FGF14: variants seen among roughly 807,000 people sequenced by gnomAD.
The protein encoded by FGF14 is fibroblast growth factor 14, also known as fibroblast growth factor homologous factor 4.
In FGF14, 5 loss-of-function variants were observed where a neutral mutation model predicts 25.5. The ratio of observed to expected loss-of-function variants is 0.20; its 90% CI spans 0.10 to 0.41. The LOEUF (loss-of-function observed/expected upper bound fraction) is 0.41. Ranked by LOEUF, FGF14 falls within the 10% of genes least tolerant of loss-of-function variation. The pLI is 1.00. For synonymous variants in FGF14, 138 were observed against 118.3 expected (o/e 1.17, Z -1.08); for missense variants, 222 against 320.1 (o/e 0.69, Z 2.34).
chr13:101,850,226 G>T (rs1330753567), intron 3 of FGF14, among the ~76,000 whole-genome samples: 1 of 136,976 alleles, frequency 7.3e-6, no homozygotes, highest in Non-Finnish European at 1.5e-5. Flanking sequence ...TTGAGGTCAG[G>T]AGTTCGAGAC....
At chr13:101,796,059 A>C (rs571673665) in intron 3 of FGF14, among the ~76,000 whole-genome samples, 2 of 152,254 alleles carry the variant, frequency 1.3e-5, no homozygotes, top group South Asian at 4.1e-4. Flanking sequence ...ATATGGCAGT[A>C]ATGGCCAAAA....
At position 101,729,482 on chromosome 13, in the gene FGF14, G is replaced by T. The variant is rs117512042; in HGVS notation, c.409-2672C>A. Among the ~76,000 whole-genome samples, 52 of 152,236 alleles carry T rather than the reference G, an allele frequency of 3.4e-4. 1 individual carries two copies. Among genetic ancestry groups the T allele is most frequent in the Non-Finnish European group, 6.5e-4 (44 of 68,010 alleles). On this transcript the variant is annotated intron_variant, in intron 3 of 4. Coordinates refer to ENST00000376143, the MANE Select transcript of FGF14 (RefSeq NM_004115.4). ...GAGCAGATAAACATCACCTGTGGAG[G>T]CAGACAGTAGGATTCAACCCTGACC...
Position 101,744,805 on chromosome 13 carries a change from G to A in FGF14, c.409-17995C>T, listed in dbSNP as rs143972753. On this transcript the variant is annotated intron_variant, in intron 3 of 4. Transcript: ENST00000376143. ...TTTCATTTTACTTATTAACACATGC[G>A]TGTATGTTCATTCGGTTAGCATTTA... 3.2e-3 allele frequency among the ~76,000 whole-genome samples: 486 copies of A among 152,098 alleles called. 4 individuals are homozygous for A. The highest frequency in any genetic ancestry group is 0.011 in the African/African-American group (451 of 41,510).
chr13:101,775,623 C>T (rs868124403), intron 3 of FGF14, among the ~76,000 whole-genome samples: 7 of 152,060 alleles, frequency 4.6e-5, no homozygotes, highest in African/African-American at 9.7e-5. Flanking sequence ...ATTTCCCTGT[C>T]CCTGTGCAGG....
At chr13:102,099,713 G>T (rs1312269348) in intron 1 of FGF14, among the ~76,000 whole-genome samples, 2 of 151,866 alleles carry the variant, frequency 1.3e-5, no homozygotes, top group African/African-American at 4.8e-5. Context: ...TTGTTAATAA[G>T]ATGCACTATT....
chr13:102,212,244 T>A (rs2050191383), intron 1 of FGF14, among the ~76,000 whole-genome samples: 1 of 152,166 alleles, frequency 6.6e-6, no homozygotes, highest in Admixed American at 6.5e-5. Context: ...TAATATGACA[T>A]GTTTTTTTAA....
intron 1 of FGF14, among the ~76,000 whole-genome samples, chr13:102,203,490 T>C (rs530044972): frequency 1.0e-3 from 154 of 152,344 alleles, no homozygotes; most frequent in African/African-American, 3.6e-3. Flanking sequence ...CCTTTAGTTA[T>C]AATTTTGTAC....
chr13:101,846,798 G>A (rs561714285), intron 3 of FGF14, among the ~76,000 whole-genome samples: 2 of 152,076 alleles, frequency 1.3e-5, no homozygotes, highest in African/African-American at 4.8e-5. Context: ...AAGTGTATGC[G>A]AAATTGAGTT....
intron 1 of FGF14, among the ~76,000 whole-genome samples, chr13:102,136,984 G>C (rs1012258963): frequency 6.6e-6 from 1 of 152,130 alleles, no homozygotes; most frequent in African/African-American, 2.4e-5. Flanking sequence ...TACGAACTTT[G>C]TGACAGTGAT....
At chr13:101,848,853 AT>A (rs1295010909) in intron 3 of FGF14, among the ~76,000 whole-genome samples, 2 of 152,086 alleles carry the variant, frequency 1.3e-5, no homozygotes, top group Admixed American at 6.6e-5. Context: ...AAATAAAAAA[AT>A]AAAAGTCTGT....
intron 1 of FGF14, among the ~76,000 whole-genome samples, chr13:101,926,772 A>T (rs2034393741): frequency 6.6e-6 from 1 of 152,016 alleles, no homozygotes; most frequent in South Asian, 2.1e-4. Context: ...TCCCCATTCC[A>T]CTTTCATTTT....
chr13:101,960,083 A>C (rs575527569), intron 1 of FGF14, among the ~76,000 whole-genome samples: 1 of 152,338 alleles, frequency 6.6e-6, no homozygotes, highest in Admixed American at 6.5e-5. Context: ...AACACAAATC[A>C]GTTTCACTTG....
chr13:102,369,067 G>T (rs1041620529), intron 1 of FGF14, among the ~76,000 whole-genome samples: 12 of 152,090 alleles, frequency 7.9e-5, no homozygotes, highest in Admixed American at 3.3e-4. Flanking sequence ...CTTCCTCACT[G>T]AAAAACTAAT....
At chr13:101,860,399 T>C (rs184595131) in intron 3 of FGF14, among the ~76,000 whole-genome samples, 47 of 152,124 alleles carry the variant, frequency 3.1e-4, no homozygotes, top group Admixed American at 8.5e-4. Context: ...GGTCATGTCA[T>C]TCTGCTTACT....
intron 1 of FGF14, among the ~76,000 whole-genome samples, chr13:102,126,351 G>A (rs900072375): frequency 4.6e-5 from 7 of 152,172 alleles, no homozygotes; most frequent in African/African-American, 1.7e-4. Flanking sequence ...TTATTTCACT[G>A]AGCATAATGT....
At chr13:102,041,598 A>G (rs953620215) in intron 1 of FGF14, among the ~76,000 whole-genome samples, 3 of 145,120 alleles carry the variant, frequency 2.1e-5, no homozygotes, top group Non-Finnish European at 3.0e-5. Flanking sequence ...AAAAAAAAAG[A>G]GAGATTTTAT....
Position 102,221,257 on chromosome 13 carries a change from AT to A in FGF14, c.208+180213del, listed in dbSNP as rs1265836861. On this transcript the variant is annotated intron_variant, in intron 1 of 4. Coordinates refer to the FGF14 transcript ENST00000376131. ...GAGAACTAAATTTGGGGATTAAGTG[AT>A]TTTTTTTCAGATGGAAATTTAATGA... Among the ~76,000 whole-genome samples, 4 of 152,030 alleles carry A rather than the reference AT, an allele frequency of 2.6e-5. No homozygotes were observed. The South Asian group carries it at 6.2e-4, about 24-fold the overall frequency.
At chr13:101,813,365 G>T (rs1247382065) in intron 3 of FGF14, among the ~76,000 whole-genome samples, 1 of 152,114 alleles carries the variant, frequency 6.6e-6, no homozygotes, top group Non-Finnish European at 1.5e-5. Context: ...ATAGAAATGG[G>T]GCTCTAGTAA....
At chr13:101,744,760 T>A (rs1325689434) in intron 3 of FGF14, among the ~76,000 whole-genome samples, 4 of 152,098 alleles carry the variant, frequency 2.6e-5, no homozygotes, top group African/African-American at 4.8e-5. Context: ...TTATTAAGAA[T>A]TGATGCTTTA....
Sources: allele counts gnomAD v4.1 joint callset (sites outside exome capture counted in the v4.1 genomes callset), GRCh38; gene constraint gnomAD v4.1.1; transcripts MANE v1.5; gene names NCBI Gene and HGNC (gene_info 2026-07-23, HGNC 2026-07-21).